GPR107: variants seen among roughly 807,000 people sequenced by gnomAD.
GPR107 encodes the protein G protein-coupled receptor 107.
Under a neutral mutation model 75.5 loss-of-function variants are expected in GPR107, and 31 were observed. That is an observed-to-expected ratio of 0.41 (90% CI 0.31 to 0.55). The LOEUF is 0.55. Ranked by LOEUF, GPR107 falls within the 20% of genes least tolerant of loss-of-function variation. The probability of loss-of-function intolerance (pLI) is 0.26; values close to 1 mark genes in which losing one functional copy is unlikely to be tolerated. For synonymous variants in GPR107, 267 were observed against 251.3 expected (o/e 1.06, Z -0.59); for missense variants, 572 against 665.7 (o/e 0.86, Z 1.55).
Position 130,083,573 on chromosome 9 carries a change from A to G in GPR107, c.535A>G (p.Lys179Glu). 1 of 1,524,880 alleles carries G rather than the reference A, an allele frequency of 6.6e-7. No individual in the cohort carries two copies. The highest frequency in any genetic ancestry group is 2.5e-5 in the Admixed American group (1 of 39,970). The allele number at this position is 1,524,880 out of a possible 1,614,324, so 94.5% of individuals were successfully genotyped here. ...NQTQKTQDGG[K>E]SKRSTVDSKA... ...AATGTTCTTGCTTCTAGATGGTGGA[A>G]AGTCTAAAAGAAGTACAGTGGATTC... Residue 179 changes from lysine (K) to glutamate (E), a missense_variant, in exon 6 of 18, where the codon AAG (lysine) becomes GAG (glutamate). Coordinates refer to ENST00000347136, the MANE Select transcript of GPR107 (RefSeq NM_020960.5).
At chr9:130,125,210 T>G (rs1226217524) in intron 15 of GPR107, among the ~76,000 whole-genome samples, 2 of 146,936 alleles carry the variant, frequency 1.4e-5, no homozygotes, top group Admixed American at 7.0e-5. Context: ...GCTTTCCGAG[T>G]AGCTGGGATT....
chr9:130,072,945 C>G (rs1830248127), intron 1 of GPR107, among the ~76,000 whole-genome samples: 1 of 152,082 alleles, frequency 6.6e-6, no homozygotes, highest in Non-Finnish European at 1.5e-5. Flanking sequence ...TCATTATAAG[C>G]AAACAACTCA....
intron 14 of GPR107, among the ~76,000 whole-genome samples, chr9:130,114,274 TAGA>T (rs1831373166): frequency 6.6e-6 from 1 of 151,798 alleles, no homozygotes; most frequent in Non-Finnish European, 1.5e-5. Flanking sequence ...GAAGCTGAGG[TAGA>T]AGGATTGCTT....
At chr9:130,077,600 C>T (rs1229549863) in intron 4 of GPR107, among the ~76,000 whole-genome samples, 4 of 152,172 alleles carry the variant, frequency 2.6e-5, no homozygotes, top group Non-Finnish European at 5.9e-5. Context: ...GGGAAGAACT[C>T]ATGAATTGTA....
Position 130,086,447 on chromosome 9 carries a change from C to A in GPR107, c.592C>A (p.His198Asn). Residue 198 changes from histidine (H) to asparagine (N), a missense_variant, in exon 7 of 18, where the codon CAT becomes AAT. His to Asn is a moderately conservative substitution (Grantham distance 68). Coordinates refer to ENST00000347136, the MANE Select transcript of GPR107 (RefSeq NM_020960.5). Reference sequence around the variant, plus strand: ...CATGGGAGAGAAATCCTTTTCTGTTCATAATAATGGTGGGGCAGTGTCATT... The same window carrying A: ...CATGGGAGAGAAATCCTTTTCTGTTAATAATAATGGTGGGGCAGTGTCATT... ...KAMGEKSFSV[H>N]NNGGAVSFQF... 3 of 1,555,180 alleles carry A rather than the reference C, an allele frequency of 1.9e-6. No individual in the cohort carries two copies. Among genetic ancestry groups the A allele is most frequent in the South Asian group, 1.1e-5 (1 of 89,818 alleles).
At chr9:130,060,839 A>G (rs2132534080) in intron 1 of GPR107, among the ~76,000 whole-genome samples, 1 of 152,342 alleles carries the variant, frequency 6.6e-6, no homozygotes, top group South Asian at 2.1e-4. Context: ...AGTTTAGAGC[A>G]GAACTTGGGA....
At chr9:130,078,940 G>T (rs1391205838) in intron 4 of GPR107, among the ~76,000 whole-genome samples, 2 of 152,124 alleles carry the variant, frequency 1.3e-5, no homozygotes, top group Non-Finnish European at 1.5e-5. Flanking sequence ...CTGCCCTCTC[G>T]TGCTTCCCTG....
rs1226217524 is a variant in GPR107 at position 130,125,210 on chromosome 9, T to C, written c.1356+246T>C. Reference sequence around the variant, plus strand: ...ACTTCCCGGGTTCAAGCTTTCCGAGTAGCTGGGATTACAGGCACCTGCCAT... The same window carrying C: ...ACTTCCCGGGTTCAAGCTTTCCGAGCAGCTGGGATTACAGGCACCTGCCAT... On this transcript the variant is annotated intron_variant, in intron 15 of 17. Coordinates refer to ENST00000347136, the MANE Select transcript of GPR107 (RefSeq NM_020960.5). 2.0e-5 allele frequency among the ~76,000 whole-genome samples: 3 copies of C among 146,936 alleles called. No individual in the cohort carries two copies. The Admixed American group carries it at 2.1e-4, about 10-fold the overall frequency.
chr9:130,099,868 CTTTTTTTTTTTTTTTTTTTTT>C (rs71387314), intron 10 of GPR107, among the ~76,000 whole-genome samples: 3 of 89,996 alleles, frequency 3.3e-5, no homozygotes, highest in Non-Finnish European at 6.2e-5. Context: ...GTTTCCACGA[CTTTTTTTTTTTTTTTTTTTTT>C]TTTTTTTTTT....
rs141062301 is a variant in GPR107 at position 130,079,666 on chromosome 9, G to A, written c.423G>A (p.Gln141=). 3 of 1,613,292 alleles carry A rather than the reference G, an allele frequency of 1.9e-6. No homozygotes were observed. The highest frequency in any genetic ancestry group is 2.5e-6 in the Non-Finnish European group (3 of 1,179,290). ...AGTCTCCACCAGAAGCTGGTACCCA[G>A]TTACCAAAGATCATCTTCAGCAGGG... ...RVKSPPEAGT[Q]LPKIIFSRDE... The change falls in exon 5 of 18, where the codon CAG becomes CAA. Residue 141 remains glutamine, a synonymous_variant. Transcript: ENST00000347136.
chr9:130,100,541 TA>T (rs1280929716), intron 10 of GPR107, 87 bp from the exon 11 acceptor site: 10 of 965,342 alleles, frequency 1.0e-5, no homozygotes, highest in South Asian at 3.9e-5. Flanking sequence ...ATGATTTGGA[TA>T]ATTTCCCAAA....
intron 1 of GPR107, among the ~76,000 whole-genome samples, chr9:130,054,453 C>T (rs1053231231): frequency 2.0e-5 from 3 of 152,194 alleles, no homozygotes; most frequent in Non-Finnish European, 4.4e-5. Context: ...CCGCGGTCTC[C>T]GCTCTTCTGT....
chr9:130,061,779 G>T (rs577188019), intron 1 of GPR107, among the ~76,000 whole-genome samples: 3 of 152,030 alleles, frequency 2.0e-5, no homozygotes, highest in South Asian at 4.2e-4. Flanking sequence ...TACTTTCTCT[G>T]TTAAAAATAC....
intron 14 of GPR107, among the ~76,000 whole-genome samples, chr9:130,123,896 C>T (rs1236224560): frequency 2.0e-5 from 3 of 152,272 alleles, no homozygotes; most frequent in African/African-American, 2.4e-5. Context: ...GTGTTGTGTG[C>T]GTGCCTGCGT....
chr9:130,104,042 TG>T (rs948378155), intron 12 of GPR107, among the ~76,000 whole-genome samples: 3 of 151,974 alleles, frequency 2.0e-5, no homozygotes, highest in African/African-American at 4.8e-5. Flanking sequence ...CCGGGGCTCC[TG>T]GGGGGGCCTT....
chr9:130,099,071 A>T (rs961832354), intron 9 of GPR107, among the ~76,000 whole-genome samples: 1 of 152,092 alleles, frequency 6.6e-6, no homozygotes, highest in Non-Finnish European at 1.5e-5. Context: ...CAACACTTTG[A>T]GAGGCCGAAG....
At chr9:130,054,828 C>A (rs1829707201) in intron 1 of GPR107, among the ~76,000 whole-genome samples, 1 of 152,020 alleles carries the variant, frequency 6.6e-6, no homozygotes, top group South Asian at 2.1e-4. Flanking sequence ...CCTGTAATCC[C>A]AACACTGGGA....
chr9:130,085,072 G>A (rs996435708), intron 6 of GPR107, among the ~76,000 whole-genome samples: 1 of 152,162 alleles, frequency 6.6e-6, no homozygotes, highest in Non-Finnish European at 1.5e-5. Context: ...AAGCAATAGA[G>A]GAATTGATGA....
At chr9:130,085,672 A>G (rs976175940) in intron 6 of GPR107, among the ~76,000 whole-genome samples, 1 of 150,786 alleles carries the variant, frequency 6.6e-6, no homozygotes, top group African/African-American at 2.4e-5. Flanking sequence ...TATTCAGCAT[A>G]ATTACTTTGA....
Sources: allele counts gnomAD v4.1 joint callset (sites outside exome capture counted in the v4.1 genomes callset), GRCh38; gene constraint gnomAD v4.1.1; transcripts MANE v1.5; gene names NCBI Gene and HGNC (gene_info 2026-07-23, HGNC 2026-07-21).